SLC13A3: variants seen among roughly 807,000 people sequenced by gnomAD.
The protein encoded by SLC13A3 is Na(+)/dicarboxylate cotransporter 3.
SLC13A3 carries 40 observed loss-of-function variants against 59.0 expected under a neutral mutation model. That is an observed-to-expected ratio of 0.68 (90% confidence interval 0.53 to 0.88). The LOEUF is 0.88. SLC13A3 is among the 40% of genes least tolerant of loss of function. The probability of loss-of-function intolerance (pLI) is 0.00; values close to 1 mark genes in which losing one functional copy is unlikely to be tolerated. For synonymous variants in SLC13A3, 317 were observed against 330.3 expected (o/e 0.96, Z 0.44); for missense variants, 699 against 783.2 (o/e 0.89, Z 1.28).
At position 46,630,207 on chromosome 20, in the gene SLC13A3, A is replaced by G. The variant is rs140611177; in HGVS notation, c.112-16482T>C. ...TCTCTTTAGCATTTATGTTTGTTTGACTGACAGAGAGAGAAAACTAGAACC... is the reference window on the plus strand; with the variant it reads ...TCTCTTTAGCATTTATGTTTGTTTGGCTGACAGAGAGAGAAAACTAGAACC... On this transcript the variant is annotated intron_variant, in intron 1 of 12. Coordinates refer to ENST00000279027, the MANE Select transcript of SLC13A3 (RefSeq NM_022829.6). Among the ~76,000 whole-genome samples the G allele has an allele frequency of 7.3e-3, 1,110 of 152,278 alleles. 7 individuals are homozygous for G. Among genetic ancestry groups the G allele is most frequent in the Middle Eastern group, 0.024 (7 of 294 alleles).
At chr20:46,603,007 C>T (rs1240526504) in intron 3 of SLC13A3, among the ~76,000 whole-genome samples, 4 of 151,858 alleles carry the variant, frequency 2.6e-5, no homozygotes, top group East Asian at 3.9e-4. Flanking sequence ...GGAGAAACCC[C>T]GTCTCCACTA....
In SLC13A3 at chr20:46,560,319, C is replaced by G. The variant is rs549822308; in HGVS notation, c.1633-121G>C. The G allele has an allele frequency of 4.3e-5, 39 of 912,294 alleles. No homozygotes were observed. The African/African-American group carries it at 6.4e-4, about 15-fold the overall frequency. The allele number at this position is 912,294 out of a possible 1,614,324, so 56.5% of individuals were successfully genotyped here. ...ATCGCACAGCCAGGAAGTGATGGAG[C>G]CAGGACACAGACCCAGGTCGGTAAA... On this transcript the variant is annotated intron_variant, in intron 12 of 12. Transcript: ENST00000279027.
intron 1 of SLC13A3, among the ~76,000 whole-genome samples, chr20:46,642,604 T>C (rs1015697966): frequency 2.0e-5 from 3 of 152,128 alleles, no homozygotes; most frequent in Non-Finnish European, 4.4e-5. Flanking sequence ...CCTGGCCTCT[T>C]GCGCTTCCCA....
chr20:46,652,239 A>T (rs1363303726), upstream of SLC13A3, among the ~76,000 whole-genome samples: 1 of 152,172 alleles, frequency 6.6e-6, no homozygotes, highest in Non-Finnish European at 1.5e-5. Context: ...TGAACTTAAA[A>T]GTTAAATTTT....
upstream of SLC13A3, among the ~76,000 whole-genome samples, chr20:46,672,597 G>A (rs1287788611): frequency 6.6e-6 from 1 of 152,062 alleles, no homozygotes; most frequent in Non-Finnish European, 1.5e-5. Context: ...TGGGAGGCAG[G>A]GCCTATTCCC....
intron 2 of SLC13A3, among the ~76,000 whole-genome samples, chr20:46,611,862 C>T (rs2062497662): frequency 6.6e-6 from 1 of 152,078 alleles, no homozygotes; most frequent in Non-Finnish European, 1.5e-5. Context: ...CATGTCATTC[C>T]TCAGCTTAGA....
At chr20:46,651,706 G>C (rs2062953754), upstream of SLC13A3, among the ~76,000 whole-genome samples, 1 of 152,250 alleles carries the variant, frequency 6.6e-6, no homozygotes, top group Admixed American at 6.5e-5. Context: ...GGGGCAGCTG[G>C]CTTATCCTCT....
chr20:46,591,189 TAAATAAAC>T (rs577576786), intron 6 of SLC13A3, among the ~76,000 whole-genome samples: 4,497 of 144,846 alleles, frequency 0.031, 88 homozygotes, highest in Non-Finnish European at 0.04. Context: ...AATAAATAAA[TAAATAAAC>T]AAACAAACAA....
intron 6 of SLC13A3, among the ~76,000 whole-genome samples, chr20:46,590,473 A>G (rs1321773558): frequency 6.6e-6 from 1 of 152,228 alleles, no homozygotes; most frequent in Non-Finnish European, 1.5e-5. Context: ...TAGTAAGAAC[A>G]AGACCAAAAA....
Position 46,563,395 on chromosome 20 carries a change from G to A in SLC13A3, c.1632+19C>T. 9 of 1,610,166 alleles carry A rather than the reference G, an allele frequency of 5.6e-6. No homozygotes were observed. Among genetic ancestry groups the A allele is most frequent in the Non-Finnish European group, 7.6e-6 (9 of 1,177,798 alleles). On this transcript the variant is annotated intron_variant, in intron 12 of 12. Transcript: ENST00000279027. ...CCACCCACATCCCGGGGCCTCTGCT[G>A]GGAAATGCCCAGACTCACCATGTCT...
chr20:46,628,573 A>G (rs757950455), intron 1 of SLC13A3, among the ~76,000 whole-genome samples: 6 of 152,196 alleles, frequency 3.9e-5, no homozygotes, highest in Non-Finnish European at 7.3e-5. Flanking sequence ...TGAACTTGAT[A>G]TGGATGAGGT....
chr20:46,570,015 A>G lies in SLC13A3; in HGVS notation c.1333-3625T>C, dbSNP rs550807870. On this transcript the variant is annotated intron_variant, in intron 10 of 12. Transcript: ENST00000279027. ...CTCGGCTGTGTGCATACAACTTTGTATAATAATTCCTAGGTAAAGAGACCA... is the reference window on the plus strand; with the variant it reads ...CTCGGCTGTGTGCATACAACTTTGTGTAATAATTCCTAGGTAAAGAGACCA... 2.6e-5 allele frequency among the ~76,000 whole-genome samples: 4 copies of G among 152,354 alleles called. No homozygotes were observed. In the South Asian group the frequency reaches 6.2e-4, roughly 24 times the overall value.
intron 1 of SLC13A3, among the ~76,000 whole-genome samples, chr20:46,620,063 T>C (rs2062599114): frequency 6.6e-6 from 1 of 152,224 alleles, no homozygotes; most frequent in Non-Finnish European, 1.5e-5. Flanking sequence ...GACATTTTAA[T>C]AGAACTTAAT....
At chr20:46,648,900 ATCTC>A (rs1306119827) in intron 1 of SLC13A3, among the ~76,000 whole-genome samples, 5 of 144,274 alleles carry the variant, frequency 3.5e-5, no homozygotes, top group Admixed American at 1.4e-4. Context: ...GCAAGACCCT[ATCTC>A]TCTCTCTCTC....
intron 10 of SLC13A3, among the ~76,000 whole-genome samples, chr20:46,572,718 T>C (rs1238965715): frequency 3.3e-5 from 5 of 152,216 alleles, no homozygotes; most frequent in Admixed American, 3.3e-4. Context: ...ATATATTGAC[T>C]CACTTAATGA....
intron 1 of SLC13A3, among the ~76,000 whole-genome samples, chr20:46,677,495 G>A (rs2063133066): frequency 6.6e-6 from 1 of 152,166 alleles, no homozygotes; most frequent in African/African-American, 2.4e-5. Context: ...GTGAAAGACA[G>A]GAGTCAAAGA....
intron 1 of SLC13A3, among the ~76,000 whole-genome samples, chr20:46,625,709 G>T (rs2062661699): frequency 6.6e-6 from 1 of 152,100 alleles, no homozygotes; most frequent in Admixed American, 6.5e-5. Flanking sequence ...AATCATACAG[G>T]ATGTACTTCT....
rs763463176 is a variant in SLC13A3, at chr20:46,589,173, G to T, written c.1003C>A (p.Leu335Met). Residue 335 changes from leucine (L) to methionine (M), a missense_variant, in exon 7 of 13, where the codon CTG becomes ATG. By Grantham distance (15) the Leu-to-Met change is conservative (BLOSUM62 2). Transcript: ENST00000279027. ...GCCCCCACATACTTGATGGGCCCCA[G>T]GTTCTGGTATTCTTCCCGAATTACA... Reference protein sequence around the residue: ...RAVIREEYQNLGPIKFAEQAV... With the variant: ...RAVIREEYQNMGPIKFAEQAV... 9 of 1,614,126 alleles carry T rather than the reference G, an allele frequency of 5.6e-6. No homozygotes were observed. In the East Asian group the frequency reaches 2.0e-4, roughly 36 times the overall value.
rs767480964 is a variant in SLC13A3, at chr20:46,684,150, G to A, written c.-31+246C>T. 1.1e-4 allele frequency among the ~76,000 whole-genome samples: 16 copies of A among 152,166 alleles called. No homozygotes were observed. The South Asian group carries it at 3.1e-3, about 30-fold the overall frequency. On this transcript the variant is annotated intron_variant, in intron 1 of 6. Transcript: ENST00000372121. ...GGGATGTTTCTTCTTCGCCAACTTCGCACGCCACAGCCTGCCTGGGATATA... is the reference window on the plus strand; with the variant it reads ...GGGATGTTTCTTCTTCGCCAACTTCACACGCCACAGCCTGCCTGGGATATA...
Sources: gnomAD v4.1 joint callset for allele counts (sites outside exome capture counted in the v4.1 genomes callset) on GRCh38, gnomAD v4.1.1 for gene constraint, MANE v1.5 for transcripts, NCBI Gene and HGNC (gene_info 2026-07-23, HGNC 2026-07-21) for gene names.